Variants in DMBX1 observed in about 807,000 individuals in gnomAD.
DMBX1 encodes diencephalon/mesencephalon homeobox 1.
DMBX1 carries 7 observed loss-of-function variants against 30.4 expected under a neutral mutation model. The observed-to-expected ratio is 0.23, with a 90% CI of 0.13 to 0.43. The LOEUF is 0.43. Among genes scored for constraint, DMBX1 ranks in the 20% least tolerant of loss-of-function variants. The pLI, the probability that DMBX1 is intolerant of heterozygous loss-of-function variation, is 1.00. For missense variants in DMBX1, 460 were observed against 508.5 expected (o/e 0.90, Z 0.92); for synonymous variants, 222 against 214.2 (o/e 1.04, Z -0.32).
rs1311779839 is a variant in DMBX1 at position 46,514,355 on chromosome 1, C to T, written c.*1861C>T. 2 of 152,202 alleles carry T rather than the reference C, an allele frequency of 1.3e-5. No individual in the cohort carries two copies. Among genetic ancestry groups the T allele is most frequent in the African/African-American group, 4.8e-5 (2 of 41,440 alleles). The allele number at this position is 152,202 out of a possible 1,614,324, so 9.4% of individuals were successfully genotyped here. A position where few individuals can be genotyped will look rare whatever the true frequency, so the allele number is the denominator to read the frequency against. On this transcript the variant is annotated 3_prime_UTR_variant, in exon 6 of 6. Coordinates refer to ENST00000360032, the MANE Select transcript of DMBX1 (RefSeq NM_172225.2). ...TGCATTTGCTCGCAACCTTGTAACA[C>T]AGAAGTTTTTAGTTAAATTGACAAC... is the stretch of plus-strand genomic sequence containing the variant.
At chr1:46,492,230 T>C (rs1400290755) in intron 2 of DMBX1, among the ~76,000 whole-genome samples, 1 of 152,226 alleles carries the variant, frequency 6.6e-6, no homozygotes, top group Non-Finnish European at 1.5e-5. Context: ...CGGGTCAGCT[T>C]CACGGGCATC....
Position 46,513,519 on chromosome 1 carries a change from C to T in DMBX1, c.*1025C>T, listed in dbSNP as rs759277007. ...GGAAGGCAGTAGAATGGCCAGCATT[C>T]CTGCCTGTAAGTCTTCCCAAGACAG... On this transcript the variant is annotated 3_prime_UTR_variant, in exon 6 of 6. Coordinates refer to ENST00000360032, the MANE Select transcript of DMBX1 (RefSeq NM_172225.2). 1.3e-5 allele frequency: 2 copies of T among 152,240 alleles called. No individual in the cohort carries two copies. Among genetic ancestry groups the T allele is most frequent in the Non-Finnish European group, 2.9e-5 (2 of 68,052 alleles). The allele number at this position is 152,240 out of a possible 1,614,324, so 9.4% of individuals were successfully genotyped here.
rs1666383304 is a variant in DMBX1 at position 46,512,059 on chromosome 1, G to T, written c.699G>T (p.Leu233=). 4 of 1,611,658 alleles carry T rather than the reference G, an allele frequency of 2.5e-6. No homozygotes were observed. Among genetic ancestry groups the T allele is most frequent in the Non-Finnish European group, 3.4e-6 (4 of 1,179,388 alleles). ...GSPKADSPGS[L]TITPVAPGGG... is the part of the protein sequence containing the mutation. ...TGCTTGCAGATTCCCCAGGCAGCCTGACCATCACTCCTGTGGCCCCAGGGG... is the reference window on the plus strand; with the variant it reads ...TGCTTGCAGATTCCCCAGGCAGCCTTACCATCACTCCTGTGGCCCCAGGGG... Residue 233 remains leucine (L), a synonymous_variant, in exon 6 of 6, where the codon CTG becomes CTT. Transcript: ENST00000360032. This position sits in a 1 kb window ranked among gnomAD's most constrained non-coding sequence, Gnocchi z 4.8.
chr1:46,507,220 G>A, intron 3 of DMBX1, 56 bp downstream of exon 3: 6 of 1,592,722 alleles, frequency 3.8e-6, no homozygotes, highest in South Asian at 2.3e-5. Flanking sequence ...TGGGGGAGAA[G>A]GCTCTGGAAG....
Position 46,512,395 on chromosome 1 carries a change from A to G in DMBX1, c.1035A>G (p.Ala345=), listed in dbSNP as rs756345429. The part of the protein sequence containing the change: ...LPAPPAGLAP[A]SATLNSKTTS... ...CACCCCCAGCAGGCCTGGCTCCTGC[A>G]TCAGCTACCCTGAACAGTAAAACCA... is the stretch of plus-strand genomic sequence containing the variant. Residue 345 remains alanine, a synonymous_variant, in exon 6 of 6, where the codon GCA becomes GCG. Transcript: ENST00000360032. This position sits in a 1 kb window ranked among gnomAD's most constrained non-coding sequence, Gnocchi z 4.8. 2 of 1,613,880 alleles carry G rather than the reference A, an allele frequency of 1.2e-6. No homozygotes were observed. Among genetic ancestry groups the G allele is most frequent in the Admixed American group, 1.7e-5 (1 of 60,002 alleles).
intron 2 of DMBX1, among the ~76,000 whole-genome samples, chr1:46,496,116 G>C (rs538157338): frequency 6.6e-6 from 1 of 152,316 alleles, no homozygotes; most frequent in Admixed American, 6.5e-5. Flanking sequence ...GCACCTTTGA[G>C]TGCCTGATAC....
At chr1:46,511,748 T>A (rs1666376384) in intron 5 of DMBX1, among the ~76,000 whole-genome samples, 1 of 145,552 alleles carries the variant, frequency 6.9e-6, no homozygotes, top group African/African-American at 2.6e-5. Flanking sequence ...AGTGAAGGAA[T>A]GGGAGCTCTG....
intron 2 of DMBX1, among the ~76,000 whole-genome samples, chr1:46,504,308 G>A (rs1466044909): frequency 9.0e-6 from 1 of 110,538 alleles, no homozygotes; most frequent in Non-Finnish European, 1.9e-5. Flanking sequence ...GTCCTGAATG[G>A]TAATGCCTAG....
chr1:46,511,684 A>T (rs1666375318), intron 5 of DMBX1, among the ~76,000 whole-genome samples: 1 of 152,110 alleles, frequency 6.6e-6, no homozygotes, highest in African/African-American at 2.4e-5. Context: ...CATATCTCAG[A>T]TACAAACCCT....
Position 46,512,593 on chromosome 1 carries a change from G to C in DMBX1, c.*99G>C. On this transcript the variant is annotated 3_prime_UTR_variant, in exon 6 of 6. Transcript: ENST00000360032. The surrounding 1 kb of genome is among the most constrained non-coding windows in gnomAD (Gnocchi z 4.8). ...CGAGGAGTTAACTCCATGAGCCCAG[G>C]GATCCTAGGGCCTGGGGTCCTGTTC... 7.5e-7 allele frequency: 1 copy of C among 1,339,024 alleles called. No homozygotes were observed. The highest frequency in any genetic ancestry group is 2.2e-4 in the Middle Eastern group (1 of 4,582). 82.9% of individuals were successfully genotyped at this position (1,339,024 alleles called of 1,614,324 possible).
Position 46,511,294 on chromosome 1 carries a change from AGG to A in DMBX1, c.682+14_682+15del. On this transcript the variant is annotated intron_variant, in intron 5 of 5. Coordinates refer to ENST00000360032, the MANE Select transcript of DMBX1 (RefSeq NM_172225.2). Reference sequence around the variant, plus strand: ...GCAGCCCCAAGGCAGGTGAGGTCTGAGGGGTACCATGGGAGGGCTGGGGTCTG... The same window carrying A: ...GCAGCCCCAAGGCAGGTGAGGTCTGAGGTACCATGGGAGGGCTGGGGTCTG... The A allele has an allele frequency of 1.9e-6, 3 of 1,545,502 alleles. No homozygotes were observed. The highest frequency in any genetic ancestry group is 2.6e-6 in the Non-Finnish European group (3 of 1,145,480).
Position 46,512,603 on chromosome 1 carries a change from G to C in DMBX1, c.*109G>C. The C allele has an allele frequency of 8.0e-7, 1 of 1,251,432 alleles. No individual in the cohort carries two copies. Among genetic ancestry groups the C allele is most frequent in the Non-Finnish European group, 1.1e-6 (1 of 916,808 alleles). The allele number at this position is 1,251,432 out of a possible 1,614,324, so 77.5% of individuals were successfully genotyped here. ...ACTCCATGAGCCCAGGGATCCTAGG[G>C]CCTGGGGTCCTGTTCCCTGCTCCGC... On this transcript the variant is annotated 3_prime_UTR_variant, in exon 6 of 6. Coordinates refer to ENST00000360032, the MANE Select transcript of DMBX1 (RefSeq NM_172225.2). The surrounding 1 kb of genome is among the most constrained non-coding windows in gnomAD (Gnocchi z 4.8).
At chr1:46,500,657 C>A (rs1309792835) in intron 2 of DMBX1, among the ~76,000 whole-genome samples, 2 of 150,906 alleles carry the variant, frequency 1.3e-5, no homozygotes, top group African/African-American at 4.9e-5. Context: ...CAGGTTATAA[C>A]CTTCCAGACT....
intron 2 of DMBX1, among the ~76,000 whole-genome samples, chr1:46,495,724 A>G (rs1371388252): frequency 6.6e-6 from 1 of 152,152 alleles, no homozygotes; most frequent in Admixed American, 6.5e-5. Context: ...CTCACCTTCC[A>G]TTTCTGAATC....
chr1:46,512,197 G>C lies in DMBX1; in HGVS notation c.837G>C (p.Ser279=), dbSNP rs747278905. The C allele has an allele frequency of 4.3e-6, 7 of 1,614,004 alleles. No individual in the cohort carries two copies. Among genetic ancestry groups the C allele is most frequent in the Non-Finnish European group, 5.9e-6 (7 of 1,179,970 alleles). ...CCACCAACAACCTGGTGCACTACTC[G>C]TCCTTCGAAGTAGGGGGTCCGGCCC... is the stretch of plus-strand genomic sequence containing the variant. The part of the protein sequence containing the change: ...MAATNNLVHY[S]SFEVGGPAPA... Residue 279 remains serine, a synonymous_variant, in exon 6 of 6, where the codon TCG becomes TCC. Coordinates refer to ENST00000360032, the MANE Select transcript of DMBX1 (RefSeq NM_172225.2). This position sits in a 1 kb window ranked among gnomAD's most constrained non-coding sequence, Gnocchi z 4.8.
intron 2 of DMBX1, among the ~76,000 whole-genome samples, chr1:46,501,274 T>C (rs1204266603): frequency 7.0e-6 from 1 of 142,592 alleles, no homozygotes; most frequent in African/African-American, 2.7e-5. Flanking sequence ...TTCTTTCTCT[T>C]CTTTCTTTCT....
Position 46,512,222 on chromosome 1 carries a change from CCTGCTGCTGCAGCGGCGG to C in DMBX1, c.872_889del (p.Ala291_Ala296del). On this transcript the variant is annotated inframe_deletion, in exon 6 of 6. Transcript: ENST00000360032. The surrounding 1 kb of genome is among the most constrained non-coding windows in gnomAD (Gnocchi z 4.8). ...GTCCTTCGAAGTAGGGGGTCCGGCC[CCTGCTGCTGCAGCGGCGG>C]CTGCTGCTGTGCCCTACCTGGGCGT... The C allele has an allele frequency of 9.9e-6, 16 of 1,614,006 alleles. No individual in the cohort carries two copies. Among genetic ancestry groups the C allele is most frequent in the African/African-American group, 4.0e-5 (3 of 75,028 alleles).
chr1:46,497,986 G>A (rs1025510047), intron 2 of DMBX1, among the ~76,000 whole-genome samples: 6 of 152,326 alleles, frequency 3.9e-5, no homozygotes, highest in Middle Eastern at 3.4e-3. Flanking sequence ...GCAGTGGACT[G>A]AGCCCAGGCA....
At chr1:46,490,979 C>T (rs973156597) in intron 2 of DMBX1, among the ~76,000 whole-genome samples, 196 bp downstream of exon 2, 6 of 152,218 alleles carry the variant, frequency 3.9e-5, no homozygotes, top group African/African-American at 1.4e-4. Flanking sequence ...CCTAGGCTTC[C>T]CACACTGGAT....
Sources: allele counts gnomAD v4.1 joint callset (sites outside exome capture counted in the v4.1 genomes callset), GRCh38; gene constraint gnomAD v4.1.1; non-coding constraint Gnocchi (gnomAD v3.1); transcripts MANE v1.5; gene names NCBI Gene and HGNC (gene_info 2026-07-23, HGNC 2026-07-21).